The following SLC8A1 variants were observed in gnomAD, a reference collection of about 807,000 sequenced individuals.
SLC8A1 encodes the protein solute carrier family 8 member A1.
A neutral mutation model predicts 68.3 loss-of-function variants in SLC8A1; 18 were observed. That is an observed-to-expected ratio of 0.26 (90% CI 0.18 to 0.39). The LOEUF (loss-of-function observed/expected upper bound fraction) is 0.39, where lower values mean the gene tolerates loss of function less well. Among genes scored for constraint, SLC8A1 ranks in the 10% least tolerant of loss-of-function variants. SLC8A1 has a pLI of 1.00. For missense variants in SLC8A1, 985 were observed against 1,156.7 expected, an observed-to-expected ratio of 0.85 and a Z score of 2.15; for synonymous variants, 475 against 415.5, an observed-to-expected ratio of 1.14 and a Z score of -1.74.
chr2:40,349,320 T>C (rs552218485), intron 2 of SLC8A1, among the ~76,000 whole-genome samples: 18 of 152,204 alleles, frequency 1.2e-4, no homozygotes, highest in Non-Finnish European at 2.5e-4. Flanking sequence ...ATCATGGTCA[T>C]TGAGAAAAGA....
intron 2 of SLC8A1, chr2:40,223,757 T>G (rs753534550): frequency 1.3e-5 from 2 of 152,048 alleles, no homozygotes; most frequent in African/African-American, 4.8e-5. Context: ...AAGCAGTAAG[T>G]TACACATATA....
At chr2:40,500,126 T>A (rs1705963110) in intron 1 of SLC8A1, among the ~76,000 whole-genome samples, 1 of 151,882 alleles carries the variant, frequency 6.6e-6, no homozygotes, top group African/African-American at 2.4e-5. Flanking sequence ...GCCAACTTTT[T>A]AAAAAACAAA....
rs1314321109 is a variant in SLC8A1, at chr2:40,248,263, T to C, written c.1809-70408A>G. Among the ~76,000 whole-genome samples, 7 of 151,612 alleles carry C rather than the reference T, an allele frequency of 4.6e-5. No individual in the cohort carries two copies. The South Asian group carries it at 1.4e-3, about 31-fold the overall frequency. On this transcript the variant is annotated intron_variant, in intron 2 of 7. Coordinates refer to ENST00000406785, the Ensembl canonical transcript of SLC8A1. ...GATTTCTAAGTTTCCCTATTGCTAA[T>C]GGCTGAATGTTTATGTTTTCCCAAC...
In SLC8A1 at chr2:40,160,771, T is replaced by C; in HGVS notation, c.2155A>G (p.Ser719Gly). ...TGCAGAGAAAGGCACTCACCAGCAC[T>C]GACAGTGATAGCTTCAATGAACTGT... The change falls in exon 6 of 8, where the codon AGT becomes GGT. Residue 719 changes from serine (S) to glycine (G), a missense_variant. Transcript: ENST00000406785. 3 of 1,612,998 alleles carry C rather than the reference T, an allele frequency of 1.9e-6. No homozygotes were observed. In the South Asian group the frequency reaches 3.3e-5, roughly 18 times the overall value.
intron 2 of SLC8A1, among the ~76,000 whole-genome samples, chr2:40,353,153 C>A (rs1671641495): frequency 6.6e-6 from 1 of 152,150 alleles, no homozygotes. Flanking sequence ...TTGTTTTCAG[C>A]ACTGGATAAA....
intron 2 of SLC8A1, among the ~76,000 whole-genome samples, chr2:40,390,422 T>C (rs1396697101): frequency 6.6e-6 from 1 of 152,128 alleles, no homozygotes; most frequent in Non-Finnish European, 1.5e-5. Context: ...TTCTAAATAG[T>C]TACAGAAACA....
chr2:40,403,816 T>G (rs1444892830), intron 2 of SLC8A1, among the ~76,000 whole-genome samples: 1 of 152,116 alleles, frequency 6.6e-6, no homozygotes, highest in Non-Finnish European at 1.5e-5. Context: ...AATAATAGCA[T>G]TGTCTCCGAA....
intron 2 of SLC8A1, among the ~76,000 whole-genome samples, chr2:40,192,786 C>T (rs1192746615): frequency 1.3e-5 from 2 of 151,990 alleles, no homozygotes; most frequent in East Asian, 1.9e-4. Context: ...TCAAAATCCT[C>T]TTAATAGATT....
chr2:40,441,307 A>G (rs1700433566), intron 1 of SLC8A1, among the ~76,000 whole-genome samples: 1 of 151,958 alleles, frequency 6.6e-6, no homozygotes, highest in African/African-American at 2.4e-5. Context: ...TTCCATGTTC[A>G]TGGATAGGAA....
intron 2 of SLC8A1, among the ~76,000 whole-genome samples, chr2:40,381,904 C>G (rs928489910): frequency 2.2e-4 from 34 of 151,888 alleles, no homozygotes; most frequent in African/African-American, 7.7e-4. Flanking sequence ...TTCCTGTTCT[C>G]CTCATGTACT....
At chr2:40,394,901 C>T (rs1484300985) in intron 2 of SLC8A1, among the ~76,000 whole-genome samples, 1 of 152,240 alleles carries the variant, frequency 6.6e-6, no homozygotes, top group Admixed American at 6.5e-5. Flanking sequence ...AAGAACTCTA[C>T]CCCAATCCCA....
intron 7 of SLC8A1, among the ~76,000 whole-genome samples, chr2:40,120,131 C>A (rs1383252527): frequency 1.3e-5 from 2 of 152,202 alleles, no homozygotes; most frequent in East Asian, 1.9e-4. Flanking sequence ...CACAGTCTTG[C>A]AGGATGGATG....
intron 2 of SLC8A1, among the ~76,000 whole-genome samples, chr2:40,415,730 C>A (rs968285961): frequency 6.6e-6 from 1 of 152,010 alleles, no homozygotes; most frequent in Non-Finnish European, 1.5e-5. Flanking sequence ...GTTATCCCAG[C>A]ACTTTGGGAG....
intron 2 of SLC8A1, among the ~76,000 whole-genome samples, chr2:40,341,445 T>C (rs575316840): frequency 1.1e-4 from 17 of 152,298 alleles, no homozygotes; most frequent in African/African-American, 4.1e-4. Flanking sequence ...GTAAATGAGA[T>C]AGTAGTTCTG....
At chr2:40,215,971 T>C (rs1268467820) in intron 2 of SLC8A1, among the ~76,000 whole-genome samples, 1 of 150,822 alleles carries the variant, frequency 6.6e-6, no homozygotes. Flanking sequence ...TAATTGCCAA[T>C]GGGTGATCAT....
chr2:40,153,113 A>G (rs570643067), intron 6 of SLC8A1, among the ~76,000 whole-genome samples: 1 of 152,320 alleles, frequency 6.6e-6, no homozygotes, highest in East Asian at 1.9e-4. Context: ...ACAAGGATGG[A>G]TTGGATAATT....
intron 2 of SLC8A1, among the ~76,000 whole-genome samples, chr2:40,346,849 A>G (rs183160223): frequency 1.3e-5 from 2 of 152,296 alleles, no homozygotes; most frequent in African/African-American, 2.4e-5. Context: ...CAATAATCTG[A>G]GCATATTTTC....
intron 2 of SLC8A1, among the ~76,000 whole-genome samples, chr2:40,386,229 T>C (rs1187854110): frequency 6.6e-6 from 1 of 151,452 alleles, no homozygotes; most frequent in African/African-American, 2.5e-5. Context: ...CTACCTGTTA[T>C]TAATACAGCT....
chr2:40,239,446 A>G (rs1480126607), intron 2 of SLC8A1, among the ~76,000 whole-genome samples: 2 of 152,190 alleles, frequency 1.3e-5, no homozygotes, highest in African/African-American at 2.4e-5. Context: ...GACCTAAAGG[A>G]CCTCTATTTC....
Sources: allele counts gnomAD v4.1 joint callset (sites outside exome capture counted in the v4.1 genomes callset), GRCh38; gene constraint gnomAD v4.1.1; transcripts MANE v1.5; gene names NCBI Gene and HGNC (gene_info 2026-07-23, HGNC 2026-07-21).